Variants in SLC8A1 observed in about 807,000 individuals in gnomAD.
SLC8A1 encodes sodium/calcium exchanger 1.
SLC8A1 carries 18 observed loss-of-function variants against 68.3 expected under a neutral mutation model. That is an observed-to-expected ratio of 0.26 (90% CI 0.18 to 0.39). The LOEUF (loss-of-function observed/expected upper bound fraction) is 0.39. SLC8A1 is among the 10% of genes least tolerant of loss of function. SLC8A1 has a pLI of 1.00. For missense variants in SLC8A1, 985 were observed against 1,156.7 expected, an observed-to-expected ratio of 0.85 and a Z score of 2.15; for synonymous variants, 475 against 415.5, an observed-to-expected ratio of 1.14 and a Z score of -1.74.
At chr2:40,308,491 G>T (rs2073080807) in intron 2 of SLC8A1, among the ~76,000 whole-genome samples, 1 of 152,028 alleles carries the variant, frequency 6.6e-6, no homozygotes. Flanking sequence ...AGGGAACCTG[G>T]GCCATTTCTG....
intron 1 of SLC8A1, among the ~76,000 whole-genome samples, chr2:40,439,503 T>C (rs1338374596): frequency 6.6e-6 from 1 of 152,186 alleles, no homozygotes. Flanking sequence ...CTTTCTAGTC[T>C]GCCTCTTGGA....
intron 2 of SLC8A1, among the ~76,000 whole-genome samples, chr2:40,282,849 T>A (rs114195686): frequency 0.018 from 2,707 of 152,156 alleles, 74 homozygotes; most frequent in African/African-American, 0.061. Flanking sequence ...GATGCAGACA[T>A]TCTTCCCATC....
intron 1 of SLC8A1, among the ~76,000 whole-genome samples, chr2:40,509,918 C>G (rs1372539478): frequency 6.6e-6 from 1 of 152,048 alleles, no homozygotes; most frequent in East Asian, 1.9e-4. Flanking sequence ...ATCTCCGCCT[C>G]CCAGGTTCAA....
chr2:40,493,799 C>T (rs1299250668), intron 1 of SLC8A1, among the ~76,000 whole-genome samples: 7 of 151,972 alleles, frequency 4.6e-5, no homozygotes, highest in African/African-American at 4.8e-5. Flanking sequence ...GGATTAGAGG[C>T]GTGTGCCACC....
At chr2:40,232,674 T>C (rs1274132922) in intron 2 of SLC8A1, among the ~76,000 whole-genome samples, 1 of 141,950 alleles carries the variant, frequency 7.0e-6, no homozygotes, top group Non-Finnish European at 1.5e-5. Flanking sequence ...TACGTATACA[T>C]GTGCCATGCT....
At chr2:40,425,658 C>G (rs1696660717) in intron 2 of SLC8A1, among the ~76,000 whole-genome samples, 2 of 151,784 alleles carry the variant, frequency 1.3e-5, no homozygotes, top group African/African-American at 2.4e-5. Flanking sequence ...TCAAGATTAA[C>G]TATGTAATTT....
At chr2:40,238,754 C>G (rs1019122425) in intron 2 of SLC8A1, among the ~76,000 whole-genome samples, 4 of 152,016 alleles carry the variant, frequency 2.6e-5, no homozygotes, top group South Asian at 4.1e-4. Flanking sequence ...TAAATTAACT[C>G]AAGTATTGTT....
chr2:40,143,369 C>G (rs546384478), intron 6 of SLC8A1, among the ~76,000 whole-genome samples: 2 of 152,098 alleles, frequency 1.3e-5, no homozygotes, highest in African/African-American at 4.8e-5. Context: ...GATGCCTGTT[C>G]TGTGGTTCTG....
At chr2:40,220,150 T>G (rs1002274398) in intron 2 of SLC8A1, 10 of 21,446 alleles carry the variant, frequency 4.7e-4, no homozygotes, top group African/African-American at 1.6e-3. Flanking sequence ...AAAATAGGCT[T>G]TTTTTTTTTT....
chr2:40,422,148 A>C (rs1419004081), intron 2 of SLC8A1, among the ~76,000 whole-genome samples: 1 of 152,038 alleles, frequency 6.6e-6, no homozygotes, highest in Admixed American at 6.6e-5. Context: ...ACATTCAGCT[A>C]TCTTCTCACC....
intron 1 of SLC8A1, among the ~76,000 whole-genome samples, chr2:40,451,621 G>A (rs1248382466): frequency 6.6e-6 from 1 of 151,944 alleles, no homozygotes; most frequent in Non-Finnish European, 1.5e-5. Flanking sequence ...TTCTTCCTCC[G>A]GCAGCCTGCA....
At chr2:40,270,451 G>A (rs2065886943) in intron 2 of SLC8A1, among the ~76,000 whole-genome samples, 1 of 152,242 alleles carries the variant, frequency 6.6e-6, no homozygotes, top group African/African-American at 2.4e-5. Context: ...CAATCTAGAG[G>A]AGAATCTGTT....
At chr2:40,285,008 A>G (rs778224207) in intron 2 of SLC8A1, among the ~76,000 whole-genome samples, 4 of 152,154 alleles carry the variant, frequency 2.6e-5, no homozygotes, top group African/African-American at 7.2e-5. Context: ...TATAAGCCTT[A>G]TAAGTCATAG....
rs527709162 is a variant in SLC8A1, at chr2:40,340,572, GAAGGGAGA to G, written c.1808+87893_1808+87900del. On this transcript the variant is annotated intron_variant, in intron 2 of 7. Transcript: ENST00000406785. The stretch of plus-strand genomic sequence containing the variant: ...TGAGACTCCTTCTTAAAAAGAAGAA[GAAGGGAGA>G]AAGGGAGTTGGGGGACTAGGCACAT... Among the ~76,000 whole-genome samples, 3 of 152,240 alleles carry G rather than the reference GAAGGGAGA, an allele frequency of 2.0e-5. No homozygotes were observed. In the East Asian group the frequency reaches 5.8e-4, roughly 29 times the overall value.
At chr2:40,359,211 G>T (rs1255150439) in intron 2 of SLC8A1, among the ~76,000 whole-genome samples, 2 of 152,094 alleles carry the variant, frequency 1.3e-5, no homozygotes. Flanking sequence ...TTTGAAGACT[G>T]TGAAAAAATG....
intron 2 of SLC8A1, among the ~76,000 whole-genome samples, chr2:40,302,322 T>C (rs542228976): frequency 1.3e-5 from 2 of 152,012 alleles, no homozygotes; most frequent in South Asian, 2.1e-4. Context: ...TGAGAACATA[T>C]GATCTTTGGT....
At chr2:40,153,877 T>A (rs1346300649) in intron 6 of SLC8A1, among the ~76,000 whole-genome samples, 1 of 152,226 alleles carries the variant, frequency 6.6e-6, no homozygotes, top group Non-Finnish European at 1.5e-5. Flanking sequence ...TGCACTTCTG[T>A]CCCAGGCTTG....
intron 4 of SLC8A1, 56 bp downstream of exon 7, chr2:40,170,225 A>G: frequency 6.8e-7 from 1 of 1,460,004 alleles, no homozygotes; most frequent in Non-Finnish European, 9.6e-7. Flanking sequence ...TAATGTCTCT[A>G]ACATTAAAGA....
chr2:40,475,168 C>T (rs548987423), intron 1 of SLC8A1, among the ~76,000 whole-genome samples: 6 of 152,292 alleles, frequency 3.9e-5, no homozygotes, highest in African/African-American at 1.2e-4. Flanking sequence ...GAGTCTCGCT[C>T]TGTCGCCCAG....
Sources: gnomAD v4.1 joint callset for allele counts (sites outside exome capture counted in the v4.1 genomes callset) on GRCh38, gnomAD v4.1.1 for gene constraint, MANE v1.5 for transcripts, NCBI Gene and HGNC (gene_info 2026-07-23, HGNC 2026-07-21) for gene names.